The following OVCH1 variants were observed in gnomAD, a reference collection of about 807,000 sequenced individuals.
OVCH1 encodes the protein ovochymase 1.
In OVCH1, 139 loss-of-function variants were observed where a neutral mutation model predicts 138.4. That is an observed-to-expected ratio of 1.00 (90% CI 0.87 to 1.16). The LOEUF (loss-of-function observed/expected upper bound fraction) is 1.16, where lower values mean the gene tolerates loss of function less well. Ranked by LOEUF, OVCH1 falls within the 50% of genes most tolerant of loss-of-function variation. OVCH1 has a pLI of 0.00. For synonymous variants in OVCH1, 453 were observed against 467.8 expected, an observed-to-expected ratio of 0.97 and a Z score of 0.41; for missense variants, 1,367 against 1,357.9, an observed-to-expected ratio of 1.01 and a Z score of -0.11.
chr12:29,460,112 T>C (rs1003331857), intron 19 of OVCH1, among the ~76,000 whole-genome samples: 11 of 152,148 alleles, frequency 7.2e-5, no homozygotes, highest in African/African-American at 2.7e-4. Flanking sequence ...GGCAGTACAT[T>C]TGGTCATGCT....
At chr12:29,460,624 G>T (rs768425788) in intron 19 of OVCH1, among the ~76,000 whole-genome samples, 1 of 152,020 alleles carries the variant, frequency 6.6e-6, no homozygotes, top group African/African-American at 2.4e-5. Flanking sequence ...AAATATCCCA[G>T]CTCCCTCGCT....
At chr12:29,422,471 A>G (rs1396505031) in intron 3 of OVCH1, among the ~76,000 whole-genome samples, 1 of 152,152 alleles carries the variant, frequency 6.6e-6, no homozygotes, top group African/African-American at 2.4e-5. Flanking sequence ...CCTGAATTAC[A>G]CTCTAATCAA....
At chr12:29,439,974 C>A (rs1325571340) in intron 25 of OVCH1, among the ~76,000 whole-genome samples, 1 of 152,196 alleles carries the variant, frequency 6.6e-6, no homozygotes, top group Non-Finnish European at 1.5e-5. Flanking sequence ...ACCATCCTCC[C>A]AGCACCCTCC....
At chr12:29,410,019 C>A (rs1299022883), downstream of OVCH1, among the ~76,000 whole-genome samples, 2 of 152,052 alleles carry the variant, frequency 1.3e-5, no homozygotes, top group Non-Finnish European at 2.9e-5. Context: ...ATATTTAGGG[C>A]AATTAGCTCT....
At chr12:29,486,093 G>A (rs1204810966) in intron 8 of OVCH1, among the ~76,000 whole-genome samples, 157 bp downstream of exon 8, 4 of 152,074 alleles carry the variant, frequency 2.6e-5, no homozygotes, top group Non-Finnish European at 5.9e-5. Context: ...GGTTTTAAAT[G>A]TTGGAGCCTA....
At chr12:29,405,021 C>CAAAAAAAAAAAAAA in the OVCH1 span, among the ~76,000 whole-genome samples, 14 of 80,434 alleles carry the variant, frequency 1.7e-4, no homozygotes, top group African/African-American at 5.6e-4. Context: ...CACTCCACCT[C>CAAAAAAAAAAAAAA]AAAAAAAAAA....
At chr12:29,416,371 A>G (rs1425203694) in intron 3 of OVCH1, among the ~76,000 whole-genome samples, 1 of 152,104 alleles carries the variant, frequency 6.6e-6, no homozygotes, top group African/African-American at 2.4e-5. Flanking sequence ...GGATGAAGAG[A>G]CAAGCTAAGA....
intron 22 of OVCH1, 50 bp from the exon 23 acceptor site, chr12:29,445,453 G>T (rs1052403493): frequency 1.6e-5 from 24 of 1,527,778 alleles, no homozygotes; most frequent in Non-Finnish European, 8.9e-7. Flanking sequence ...AAATTTGACA[G>T]CAGTTTCTGT....
intron 18 of OVCH1, 140 bp downstream of exon 18, chr12:29,464,367 C>G (rs1276080498): frequency 9.3e-6 from 9 of 963,172 alleles, no homozygotes; most frequent in Non-Finnish European, 1.3e-5. Context: ...ACTTGCTGAT[C>G]TGTTACAGCT....
chr12:29,429,928 T>C (rs1307825025), intron 27 of OVCH1, among the ~76,000 whole-genome samples: 2 of 152,236 alleles, frequency 1.3e-5, no homozygotes, highest in African/African-American at 4.8e-5. Context: ...TATGTTTAAA[T>C]GACTTCTGTT....
At chr12:29,462,107 C>A in intron 18 of OVCH1, 99 bp from the exon 19 acceptor site, 3 of 1,326,310 alleles carry the variant, frequency 2.3e-6, no homozygotes, top group Non-Finnish European at 3.1e-6. Flanking sequence ...ACCAACATAG[C>A]TGAAGTCATT....
intron 9 of OVCH1, 167 bp from the exon 11 acceptor site, chr12:29,477,645 A>G: frequency 6.4e-7 from 1 of 1,570,212 alleles, no homozygotes; most frequent in Non-Finnish European, 8.7e-7. Context: ...TGACTTTGCT[A>G]TTCCAGTCTC....
chr12:29,488,028 T>C (rs1188207048), intron 6 of OVCH1, 146 bp from the exon 7 acceptor site: 2 of 782,886 alleles, frequency 2.6e-6, no homozygotes, highest in South Asian at 2.2e-5. Flanking sequence ...GCTTTTTGTT[T>C]ATCCATTTTC....
At chr12:29,443,916 C>CTAA (rs565364826) in intron 24 of OVCH1, among the ~76,000 whole-genome samples, 2 of 152,162 alleles carry the variant, frequency 1.3e-5, no homozygotes, top group African/African-American at 4.8e-5. Context: ...TTTCACTTTG[C>CTAA]TAATACATGG....
At chr12:29,496,334 C>G (rs1390849341) in intron 2 of OVCH1, 56 bp from the exon 3 acceptor site, 2 of 1,389,300 alleles carry the variant, frequency 1.4e-6, no homozygotes, top group Admixed American at 2.0e-5. Context: ...ATATGTATCT[C>G]CATCGGAAAC....
intron 13 of OVCH1, among the ~76,000 whole-genome samples, chr12:29,475,589 C>T (rs1450580223): frequency 6.6e-6 from 1 of 152,152 alleles, no homozygotes; most frequent in Admixed American, 6.6e-5. Flanking sequence ...TATACATGCA[C>T]TGTTATGCAG....
At chr12:29,496,744 C>T in intron 1 of OVCH1, 70 bp from the exon 2 acceptor site, 3 of 1,238,752 alleles carry the variant, frequency 2.4e-6, no homozygotes, top group African/African-American at 1.5e-5. Flanking sequence ...CAAGATTTCC[C>T]ATTTGGATTT....
intron 19 of OVCH1, among the ~76,000 whole-genome samples, chr12:29,458,064 A>T (rs1942013094): frequency 6.6e-6 from 1 of 152,196 alleles, no homozygotes; most frequent in Admixed American, 6.5e-5. Context: ...CTGTGAAGAT[A>T]GAGATCTATG....
At chr12:29,413,726 T>G (rs11050225) in intron 3 of OVCH1, among the ~76,000 whole-genome samples, 1 of 151,824 alleles carries the variant, frequency 6.6e-6, no homozygotes, top group Non-Finnish European at 1.5e-5. Flanking sequence ...TATTTTGATT[T>G]AGACGTTTAC....
Sources: gnomAD v4.1 joint callset for allele counts (sites outside exome capture counted in the v4.1 genomes callset) on GRCh38, gnomAD v4.1.1 for gene constraint, MANE v1.5 for transcripts, NCBI Gene and HGNC (gene_info 2026-07-23, HGNC 2026-07-21) for gene names.